The following HDX variants were observed in gnomAD, a reference collection of about 807,000 sequenced individuals.
The protein encoded by HDX is chromosome X open reading frame 43.
Under a neutral mutation model 45.2 loss-of-function variants are expected in HDX, and 19 were observed. The observed-to-expected ratio is 0.42, with a 90% CI of 0.29 to 0.62. The LOEUF is 0.62. Among genes scored for constraint, HDX ranks in the 20% least tolerant of loss-of-function variants. HDX has a pLI of 0.20. For synonymous variants in HDX, 188 were observed against 172.8 expected (o/e 1.09, Z -0.69); for missense variants, 532 against 493.9 (o/e 1.08, Z -0.73).
intron 4 of HDX, among the ~76,000 whole-genome samples, chrX:84,448,993 A>T (rs1440003052): frequency 9.2e-6 from 1 of 108,722 alleles, no homozygotes; most frequent in Non-Finnish European, 1.9e-5. Context: ...TCAAATAAAA[A>T]ATCTAAAAAA....
At position 84,320,501 on chromosome X, in the gene HDX, C is replaced by G. The variant is rs2036576180; in HGVS notation, c.*1388G>C. The G allele has an allele frequency of 9.0e-6, 1 of 110,584 alleles. No individual in the cohort carries two copies. Among genetic ancestry groups the G allele is most frequent in the African/African-American group, 3.3e-5 (1 of 30,579 alleles). 9.1% of individuals were successfully genotyped at this position (110,584 alleles called of 1,213,427 possible). ...TCAAGATCAAATTTGGCTCTAATTA[C>G]AAATTTTTAAAAATATCTGAATACC... On this transcript the variant is annotated 3_prime_UTR_variant, in exon 11 of 11. Transcript: ENST00000373177.
At chrX:84,415,241 A>G (rs955333005) in intron 5 of HDX, among the ~76,000 whole-genome samples, 46 of 112,007 alleles carry the variant, frequency 4.1e-4, no homozygotes, top group African/African-American at 1.5e-3. Flanking sequence ...TGCAAACCAC[A>G]TTTCTCCACT....
chrX:84,431,883 T>C (rs1392398276), intron 5 of HDX, among the ~76,000 whole-genome samples: 2 of 111,483 alleles, frequency 1.8e-5, no homozygotes, highest in Non-Finnish European at 3.8e-5. Flanking sequence ...ACTCTTGATT[T>C]TGGCATTTTC....
chrX:84,388,298 T>G (rs1244115932), intron 5 of HDX, among the ~76,000 whole-genome samples: 1 of 110,896 alleles, frequency 9.0e-6, no homozygotes, highest in Non-Finnish European at 1.9e-5. Context: ...TGGTCATCTT[T>G]TATAGTATCT....
At chrX:84,482,098 T>G (rs2040693788) in intron 2 of HDX, among the ~76,000 whole-genome samples, 1 of 112,227 alleles carries the variant, frequency 8.9e-6, no homozygotes, top group South Asian at 3.7e-4. Flanking sequence ...GTACCACATT[T>G]TCTTTGTCTA....
At chrX:84,437,845 G>A in intron 5 of HDX, among the ~76,000 whole-genome samples, 1 of 111,353 alleles carries the variant, frequency 9.0e-6, no homozygotes, top group Non-Finnish European at 1.9e-5. Context: ...CAGGAGTCAA[G>A]AGACTAAGCT....
intron 3 of HDX, among the ~76,000 whole-genome samples, chrX:84,472,692 G>T (rs1018597657): frequency 9.0e-6 from 1 of 111,058 alleles, no homozygotes; most frequent in Non-Finnish European, 1.9e-5. Context: ...ATTATTTTAT[G>T]GCACAGTATA....
At chrX:84,398,287 G>T (rs2038614252) in intron 5 of HDX, among the ~76,000 whole-genome samples, 1 of 111,104 alleles carries the variant, frequency 9.0e-6, no homozygotes, top group Non-Finnish European at 1.9e-5. Context: ...TGGCAAATTG[G>T]ATAAAGAGTC....
intron 9 of HDX, among the ~76,000 whole-genome samples, chrX:84,328,190 C>T (rs919802900): frequency 4.4e-5 from 4 of 90,798 alleles, no homozygotes; most frequent in African/African-American, 1.4e-4. Flanking sequence ...AAAACCCTGT[C>T]TCTACCAAAA....
intron 9 of HDX, among the ~76,000 whole-genome samples, 200 bp downstream of exon 9, chrX:84,333,559 C>T (rs938227291): frequency 9.0e-6 from 1 of 110,956 alleles, no homozygotes; most frequent in Non-Finnish European, 1.9e-5. Context: ...TCAGCAAACT[C>T]TTTGCCTAAG....
At chrX:84,478,194 C>A (rs932372577) in intron 2 of HDX, among the ~76,000 whole-genome samples, 2 of 111,660 alleles carry the variant, frequency 1.8e-5, no homozygotes. Context: ...GTTTATATAT[C>A]ATATTCAGAT....
At chrX:84,406,783 T>C (rs765985700) in intron 5 of HDX, among the ~76,000 whole-genome samples, 2 of 111,136 alleles carry the variant, frequency 1.8e-5, no homozygotes, top group South Asian at 7.5e-4. Flanking sequence ...GAAGGCTTTC[T>C]TACTATATGT....
intron 6 of HDX, among the ~76,000 whole-genome samples, chrX:84,351,320 T>G (rs1478891059): frequency 1.8e-5 from 2 of 111,194 alleles, no homozygotes; most frequent in Non-Finnish European, 3.8e-5. Flanking sequence ...TCTCCACTCT[T>G]TCTTATCTGA....
chrX:84,350,906 C>T (rs1316409299), intron 6 of HDX, among the ~76,000 whole-genome samples: 1 of 110,564 alleles, frequency 9.0e-6, no homozygotes, highest in Non-Finnish European at 1.9e-5. Context: ...TGTATTTTTC[C>T]CCTGCATTCC....
intron 5 of HDX, among the ~76,000 whole-genome samples, chrX:84,381,944 G>T (rs1286828557): frequency 9.0e-6 from 1 of 111,193 alleles, no homozygotes; most frequent in Non-Finnish European, 1.9e-5. Context: ...TTTGCAAATT[G>T]CCCATCTGAC....
chrX:84,469,601 G>A, intron 3 of HDX, 26 bp from the exon 4 acceptor site: 3 of 1,088,038 alleles, frequency 2.8e-6, no homozygotes, highest in Non-Finnish European at 1.2e-6. Context: ...ATGGTATTAT[G>A]AAAAAAAAAT....
rs375500860 is a variant in HDX at position 84,336,826 on chromosome X, T to A, written c.1715A>T (p.His572Leu). 1 of 1,185,987 alleles carries A rather than the reference T, an allele frequency of 8.4e-7. No homozygotes were observed. Among genetic ancestry groups the A allele is most frequent in the East Asian group, 3.0e-5 (1 of 33,540 alleles). ...CACATTATCTGTGGTTACTGCATGG[T>A]GGTCCTCTTCCTTATGAGCCCTTGC... ...NDARAHKEED[H>L]HAVTTDNVKI... Residue 572 changes from histidine (H) to leucine (L), a missense_variant, in exon 8 of 11, where the codon CAC becomes CTC. Coordinates refer to ENST00000373177, the MANE Select transcript of HDX (RefSeq NM_001177479.2).
chrX:84,463,089 T>C (rs2040273540), intron 4 of HDX, among the ~76,000 whole-genome samples: 1 of 111,078 alleles, frequency 9.0e-6, no homozygotes, highest in Admixed American at 9.6e-5. Context: ...AAAATTAGAC[T>C]GTGGTGCTGC....
chrX:84,356,100 G>A (rs1241995666), intron 6 of HDX, among the ~76,000 whole-genome samples: 1 of 111,020 alleles, frequency 9.0e-6, no homozygotes, highest in Non-Finnish European at 1.9e-5. Flanking sequence ...AAAAAAATCT[G>A]AAACTTTCAA....
Sources: gnomAD v4.1 joint callset for allele counts (sites outside exome capture counted in the v4.1 genomes callset) on GRCh38, gnomAD v4.1.1 for gene constraint, MANE v1.5 for transcripts, NCBI Gene and HGNC (gene_info 2026-07-23, HGNC 2026-07-21) for gene names.